SLC14A2: variants seen among roughly 807,000 people sequenced by gnomAD.
SLC14A2 encodes the protein solute carrier family 14 member 2.
A neutral mutation model predicts 104.6 loss-of-function variants in SLC14A2; 91 were observed. That is an observed-to-expected ratio of 0.87 (90% CI 0.73 to 1.04). SLC14A2 has a LOEUF of 1.04. SLC14A2 is among the 50% of genes least tolerant of loss of function. The pLI is 0.00. For missense variants in SLC14A2, 1,189 were observed against 1,156.0 expected (o/e 1.03, Z -0.41); for synonymous variants, 476 against 466.4 (o/e 1.02, Z -0.27).
At chr18:45,352,192 T>C (rs1284176022) in intron 1 of SLC14A2, among the ~76,000 whole-genome samples, 1 of 152,122 alleles carries the variant, frequency 6.6e-6, no homozygotes, top group African/African-American at 2.4e-5. Flanking sequence ...CAGGAAATAC[T>C]TCAAAGAAAA....
chr18:45,599,172 T>C (rs1405947005), intron 2 of SLC14A2, among the ~76,000 whole-genome samples: 2 of 152,226 alleles, frequency 1.3e-5, no homozygotes, highest in Non-Finnish European at 2.9e-5. Flanking sequence ...TATCTCTTAC[T>C]TTGCACAGCA....
At chr18:45,674,419 G>A (rs1370377553) in intron 18 of SLC14A2, among the ~76,000 whole-genome samples, 1 of 152,106 alleles carries the variant, frequency 6.6e-6, no homozygotes, top group African/African-American at 2.4e-5. Context: ...TCGGGAAGAT[G>A]TTCTGGATCA....
intron 1 of SLC14A2, among the ~76,000 whole-genome samples, chr18:45,328,996 G>A (rs1384119797): frequency 6.6e-6 from 1 of 152,162 alleles, no homozygotes; most frequent in Non-Finnish European, 1.5e-5. Context: ...AAGCCGACCA[G>A]CAGAAGGGCC....
intron 2 of SLC14A2, chr18:45,529,060 C>T (rs1161135544): frequency 1.3e-5 from 2 of 152,236 alleles, no homozygotes; most frequent in Non-Finnish European, 2.9e-5. Context: ...CCAGCCCTAC[C>T]ATCAGCTGAA....
chr18:45,563,959 A>C (rs1744145127), intron 2 of SLC14A2, among the ~76,000 whole-genome samples: 2 of 152,188 alleles, frequency 1.3e-5, no homozygotes, highest in African/African-American at 4.8e-5. Flanking sequence ...CACAGCAACA[A>C]ATCTAAAATG....
chr18:45,404,090 C>T (rs1285486249), intron 1 of SLC14A2, among the ~76,000 whole-genome samples: 1 of 152,198 alleles, frequency 6.6e-6, no homozygotes, highest in East Asian at 1.9e-4. Context: ...GGCATTAAAA[C>T]TCTATTACCT....
At chr18:45,222,915 C>T (rs556946282) in intron 1 of SLC14A2, among the ~76,000 whole-genome samples, 48 of 152,188 alleles carry the variant, frequency 3.2e-4, no homozygotes, top group African/African-American at 7.5e-4. Flanking sequence ...CAGCTGAGGC[C>T]GCAGAAAACC....
chr18:45,327,383 T>A (rs2085246261), intron 1 of SLC14A2, among the ~76,000 whole-genome samples: 1 of 152,164 alleles, frequency 6.6e-6, no homozygotes, highest in Non-Finnish European at 1.5e-5. Flanking sequence ...TGTAGCCCAG[T>A]GTACCATGCT....
intron 1 of SLC14A2, among the ~76,000 whole-genome samples, chr18:45,466,673 T>G (rs2705389): frequency 0.25 from 36,440 of 148,556 alleles, 4,528 homozygotes; most frequent in Non-Finnish European, 0.28. Context: ...ACAAGTAGGG[T>G]AGTCATAAGA....
At chr18:45,384,567 T>C (rs1054373552) in intron 1 of SLC14A2, among the ~76,000 whole-genome samples, 1 of 152,062 alleles carries the variant, frequency 6.6e-6, no homozygotes, top group African/African-American at 2.4e-5. Flanking sequence ...AAGGAAGGGA[T>C]TTATGATCTA....
At chr18:45,169,734 C>T in the SLC14A2 span, among the ~76,000 whole-genome samples, 1 of 152,172 alleles carries the variant, frequency 6.6e-6, no homozygotes, top group South Asian at 2.1e-4. Flanking sequence ...CTAAACACTG[C>T]CCAGAATGTT....
intron 2 of SLC14A2, among the ~76,000 whole-genome samples, chr18:45,582,847 A>G (rs1368413711): frequency 6.6e-6 from 1 of 152,134 alleles, no homozygotes; most frequent in African/African-American, 2.4e-5. Context: ...CCCCTTAGGA[A>G]CACTCCAGAT....
chr18:45,411,026 A>G (rs1211842080), intron 1 of SLC14A2, among the ~76,000 whole-genome samples: 6 of 152,240 alleles, frequency 3.9e-5, no homozygotes, highest in Admixed American at 3.9e-4. Context: ...TTTAAACAGA[A>G]ACACACATAA....
the SLC14A2 span, among the ~76,000 whole-genome samples, chr18:45,188,422 A>T: frequency 6.6e-6 from 1 of 152,008 alleles, no homozygotes; most frequent in African/African-American, 2.4e-5. Context: ...CTTTTCTTTT[A>T]TGTATAATTC....
chr18:45,181,718 A>G, the SLC14A2 span, among the ~76,000 whole-genome samples: 1 of 152,218 alleles, frequency 6.6e-6, no homozygotes, highest in African/African-American at 2.4e-5. Context: ...TGTCTTCTGA[A>G]ACAGATTTAT....
At chr18:45,329,098 G>C (rs548370321) in intron 1 of SLC14A2, among the ~76,000 whole-genome samples, 59 of 152,316 alleles carry the variant, frequency 3.9e-4, no homozygotes, top group African/African-American at 1.3e-3. Flanking sequence ...ACAAGTGAGG[G>C]GAAAGGGAAA....
the SLC14A2 span, among the ~76,000 whole-genome samples, chr18:45,187,464 G>C: frequency 6.6e-6 from 1 of 152,076 alleles, no homozygotes; most frequent in African/African-American, 2.4e-5. Context: ...TTTAATCTGG[G>C]GGTACTAAAA....
intron 1 of SLC14A2, among the ~76,000 whole-genome samples, chr18:45,269,197 A>G (rs778564731): frequency 6.6e-6 from 1 of 152,002 alleles, no homozygotes; most frequent in Non-Finnish European, 1.5e-5. Flanking sequence ...TCAAAAGCAG[A>G]GTGGATAGGC....
chr18:45,417,752 G>A (rs2086293753), intron 1 of SLC14A2, among the ~76,000 whole-genome samples: 1 of 152,130 alleles, frequency 6.6e-6, no homozygotes, highest in African/African-American at 2.4e-5. Context: ...ATTGCCTTAA[G>A]TGTGACCTCT....
Sources: allele counts gnomAD v4.1 joint callset (sites outside exome capture counted in the v4.1 genomes callset), GRCh38; gene constraint gnomAD v4.1.1; transcripts MANE v1.5; gene names NCBI Gene and HGNC (gene_info 2026-07-23, HGNC 2026-07-21).